DNAJC1: variants seen among roughly 807,000 people sequenced by gnomAD.
DNAJC1 encodes the protein DnaJ heat shock protein family (Hsp40) member C1.
DNAJC1 carries 58 observed loss-of-function variants against 76.6 expected under a neutral mutation model. The ratio of observed to expected loss-of-function variants is 0.76; its 90% CI spans 0.61 to 0.94. DNAJC1 has a LOEUF of 0.94. Ranked by LOEUF, DNAJC1 falls within the 40% of genes least tolerant of loss-of-function variation. The pLI is 0.00. For missense variants in DNAJC1, 689 were observed against 677.3 expected (o/e 1.02, Z -0.19); for synonymous variants, 258 against 267.9 (o/e 0.96, Z 0.36).
At chr10:21,761,612 C>G (rs911810947) in intron 10 of DNAJC1, among the ~76,000 whole-genome samples, 1 of 149,886 alleles carries the variant, frequency 6.7e-6, no homozygotes, top group Non-Finnish European at 1.5e-5. Context: ...AAAAGGAATA[C>G]AATGAAAAGT....
intron 1 of DNAJC1, among the ~76,000 whole-genome samples, chr10:21,964,168 C>G (rs1469137231): frequency 1.3e-5 from 2 of 152,188 alleles, no homozygotes; most frequent in Non-Finnish European, 2.9e-5. Context: ...TATTTGAACT[C>G]TGATGACTCT....
At chr10:21,871,854 G>A (rs1173210452) in intron 8 of DNAJC1, among the ~76,000 whole-genome samples, 2 of 151,596 alleles carry the variant, frequency 1.3e-5, no homozygotes, top group East Asian at 2.0e-4. Flanking sequence ...AGGCTGGTCT[G>A]GAGCTCCTGG....
intron 9 of DNAJC1, among the ~76,000 whole-genome samples, chr10:21,805,331 G>A (rs984800914): frequency 6.6e-6 from 1 of 151,718 alleles, no homozygotes; most frequent in African/African-American, 2.4e-5. Flanking sequence ...CACTGTGCTA[G>A]GTGCTTTCTA....
At chr10:21,822,514 GCT>G (rs1485074668) in intron 8 of DNAJC1, among the ~76,000 whole-genome samples, 1 of 151,816 alleles carries the variant, frequency 6.6e-6, no homozygotes, top group African/African-American at 2.4e-5. Context: ...CTAGTCTTAT[GCT>G]CTGTTTTTAA....
At chr10:21,780,370 A>G (rs1834511191) in intron 9 of DNAJC1, among the ~76,000 whole-genome samples, 1 of 152,262 alleles carries the variant, frequency 6.6e-6, no homozygotes. Context: ...CCACAAAGGG[A>G]AGCCCATCAG....
intron 3 of DNAJC1, among the ~76,000 whole-genome samples, chr10:21,925,755 G>C (rs778689474): frequency 1.3e-5 from 2 of 152,132 alleles, no homozygotes; most frequent in Non-Finnish European, 2.9e-5. Context: ...ACACTAAATC[G>C]ATCAGTAATT....
At chr10:21,953,317 T>C (rs1417644837) in intron 1 of DNAJC1, among the ~76,000 whole-genome samples, 1 of 151,996 alleles carries the variant, frequency 6.6e-6, no homozygotes, top group Non-Finnish European at 1.5e-5. Context: ...TTATTAAATA[T>C]CTTTTACTAA....
intron 1 of DNAJC1, chr10:21,933,286 AGAG>A (rs1383261671): frequency 1.3e-5 from 2 of 152,542 alleles, no homozygotes; most frequent in African/African-American, 4.8e-5. Context: ...GCTCGGTCCA[AGAG>A]GACAACCATC....
intron 1 of DNAJC1, among the ~76,000 whole-genome samples, chr10:21,984,742 CAT>C (rs1229414496): frequency 6.6e-6 from 1 of 152,134 alleles, no homozygotes; most frequent in African/African-American, 2.4e-5. Context: ...AATCAAAAGA[CAT>C]AAACATATTA....
chr10:21,857,027 T>A (rs555916115), intron 8 of DNAJC1, among the ~76,000 whole-genome samples: 7 of 152,144 alleles, frequency 4.6e-5, no homozygotes, highest in Non-Finnish European at 1.0e-4. Flanking sequence ...CATGCCACCA[T>A]GTCCAGCCGA....
rs149229034 is a variant in DNAJC1 at position 21,863,058 on chromosome 10, G to A, written c.978+19224C>T. On this transcript the variant is annotated intron_variant, in intron 8 of 11. Coordinates refer to ENST00000376980, the MANE Select transcript of DNAJC1 (RefSeq NM_022365.4). ...GACGCAGGAGAATCGCTTGAACCCG[G>A]GAGGCGGAGGTTGCAGTGTGCCGAG... 2.2e-4 allele frequency among the ~76,000 whole-genome samples: 34 copies of A among 152,182 alleles called. 1 individual carries two copies. Among genetic ancestry groups the A allele is most frequent in the African/African-American group, 7.7e-4 (32 of 41,478 alleles).
rs575356318 is a variant in DNAJC1 at position 21,816,569 on chromosome 10, G to A, written c.979-10470C>T. 3.9e-4 allele frequency among the ~76,000 whole-genome samples: 56 copies of A among 143,516 alleles called. No individual in the cohort carries two copies. In the South Asian group the frequency reaches 8.0e-3, roughly 20 times the overall value. 94.2% of individuals were successfully genotyped at this position (143,516 alleles called of 152,430 possible). A position where few individuals can be genotyped will look rare whatever the true frequency, so the allele number is the denominator to read the frequency against. ...TCTTTTTTTTTTTTTTTTTTGAGAC[G>A]GAGACTCGCTCTGTCACCCAGGCTG... is the stretch of plus-strand genomic sequence containing the variant. On this transcript the variant is annotated intron_variant, in intron 8 of 11. Transcript: ENST00000376980.
At chr10:21,804,660 CAA>C (rs56713100) in intron 9 of DNAJC1, among the ~76,000 whole-genome samples, 35 of 99,690 alleles carry the variant, frequency 3.5e-4, no homozygotes, top group South Asian at 1.6e-3. Flanking sequence ...TGAAACACAG[CAA>C]AAAAAAAAAA....
At chr10:21,888,947 C>A (rs1836413377) in intron 7 of DNAJC1, among the ~76,000 whole-genome samples, 1 of 151,810 alleles carries the variant, frequency 6.6e-6, no homozygotes, top group East Asian at 1.9e-4. Flanking sequence ...CACATGTTCC[C>A]CTGAACCTGA....
intron 9 of DNAJC1, among the ~76,000 whole-genome samples, chr10:21,779,939 G>A (rs1307009999): frequency 2.0e-5 from 3 of 152,096 alleles, no homozygotes; most frequent in East Asian, 3.9e-4. Context: ...AGAGAACTAC[G>A]TGATGCATGC....
chr10:21,916,552 C>A (rs1030601853), intron 6 of DNAJC1, among the ~76,000 whole-genome samples: 14 of 152,080 alleles, frequency 9.2e-5, no homozygotes, highest in African/African-American at 3.1e-4. Flanking sequence ...ACATAAAGTA[C>A]ACGTTTTAAA....
intron 1 of DNAJC1, among the ~76,000 whole-genome samples, chr10:21,998,172 C>A (rs1397804206): frequency 6.6e-6 from 1 of 151,932 alleles, no homozygotes; most frequent in Non-Finnish European, 1.5e-5. Context: ...GGGTGGATCA[C>A]CTGAGGTCAG....
chr10:21,813,477 G>C (rs1297415815), intron 8 of DNAJC1, among the ~76,000 whole-genome samples: 1 of 150,858 alleles, frequency 6.6e-6, no homozygotes, highest in African/African-American at 2.4e-5. Context: ...CTCACTGCAA[G>C]CTCTGCCTCC....
At chr10:21,816,998 CA>C (rs1311280128) in intron 8 of DNAJC1, among the ~76,000 whole-genome samples, 120 of 128,006 alleles carry the variant, frequency 9.4e-4, no homozygotes, top group Admixed American at 1.1e-3. Flanking sequence ...ACTAAAAATA[CA>C]AAAAAAAAAA....
Sources: allele counts gnomAD v4.1 joint callset (sites outside exome capture counted in the v4.1 genomes callset), GRCh38; gene constraint gnomAD v4.1.1; transcripts MANE v1.5; gene names NCBI Gene and HGNC (gene_info 2026-07-23, HGNC 2026-07-21).